Variants in CFAP251 observed in about 807,000 individuals in gnomAD.
The protein encoded by CFAP251 is cilia and flagella associated protein 251.
Under a neutral mutation model 126.7 loss-of-function variants are expected in CFAP251, and 93 were observed. That is an observed-to-expected ratio of 0.73 (90% CI 0.62 to 0.87). The LOEUF is 0.87. Among genes scored for constraint, CFAP251 ranks in the 40% least tolerant of loss-of-function variants. The pLI, the probability that CFAP251 is intolerant of heterozygous loss-of-function variation, is 0.00. For missense variants in CFAP251, 1,287 were observed against 1,389.2 expected (o/e 0.93, Z 1.17); for synonymous variants, 503 against 506.9 (o/e 0.99, Z 0.10).
At position 121,918,796 on chromosome 12, in the gene CFAP251, C is replaced by T. The variant is rs995619723; in HGVS notation, c.-21+101C>T. ...TGCCCCTTGGGGGGCGCTCACCCGA[C>T]CTGGCCCTTGTGGGGCCTGGGGCGG... On this transcript the variant is annotated intron_variant, in intron 1 of 21. Coordinates refer to ENST00000288912, the MANE Select transcript of CFAP251 (RefSeq NM_144668.6). This position sits in a 1 kb window ranked among gnomAD's most constrained non-coding sequence, Gnocchi z 4.3. 3 of 152,288 alleles carry T rather than the reference C, an allele frequency of 2.0e-5. No homozygotes were observed. The highest frequency in any genetic ancestry group is 7.2e-5 in the African/African-American group (3 of 41,456). 9.4% of individuals were successfully genotyped at this position (152,288 alleles called of 1,614,324 possible).
At chr12:121,986,296 ATTTT>A (rs894295977) in intron 19 of CFAP251, among the ~76,000 whole-genome samples, 1 of 123,520 alleles carries the variant, frequency 8.1e-6, no homozygotes, top group Non-Finnish European at 1.7e-5. Context: ...CTGGCCACGA[ATTTT>A]TTTTTTTTTT....
chr12:121,954,103 C>G lies in CFAP251; in HGVS notation c.1321-17C>G. Reference sequence around the variant, plus strand: ...TATTTATTACCAACAGTAACTATAACCTTTCTTTTGAAACAGACCTTCAAC... The same window carrying G: ...TATTTATTACCAACAGTAACTATAAGCTTTCTTTTGAAACAGACCTTCAAC... On this transcript the variant is annotated splice_polypyrimidine_tract_variant and intron_variant, in intron 9 of 21. Coordinates refer to ENST00000288912, the MANE Select transcript of CFAP251 (RefSeq NM_144668.6). 1.2e-6 allele frequency: 2 copies of G among 1,605,386 alleles called. No individual in the cohort carries two copies. The highest frequency in any genetic ancestry group is 1.7e-6 in the Non-Finnish European group (2 of 1,172,986).
Position 121,975,551 on chromosome 12 carries a change from G to C in CFAP251, c.2872G>C (p.Asp958His). 6.2e-7 allele frequency: 1 copy of C among 1,608,844 alleles called. No individual in the cohort carries two copies. The highest frequency in any genetic ancestry group is 8.5e-7 in the Non-Finnish European group (1 of 1,178,752). The change falls in exon 19 of 22, where the codon GAC (aspartate) becomes CAC (histidine). Residue 958 changes from aspartate (D) to histidine (H), a missense_variant. Asp to His is a moderately conservative substitution (Grantham distance 81). Transcript: ENST00000288912. ...TTGTATTCCTACATAGGAGCTAGAA[G>C]ACTACTTCTACTATTCTCAGCTCCG... Reference protein sequence around the residue: ...REGKFYRELEDYFYYSQLRSQ... With the variant: ...REGKFYRELEHYFYYSQLRSQ...
chr12:121,967,332 T>C (rs1484237625), intron 16 of CFAP251, among the ~76,000 whole-genome samples: 1 of 152,272 alleles, frequency 6.6e-6, no homozygotes, highest in Non-Finnish European at 1.5e-5. Flanking sequence ...CTTATTTATT[T>C]ACATGGAAAA....
chr12:121,994,163 AG>A (rs1882967292), intron 19 of CFAP251, among the ~76,000 whole-genome samples: 1 of 78,720 alleles, frequency 1.3e-5, no homozygotes, highest in Non-Finnish European at 2.5e-5. Flanking sequence ...GGGGGGGGTC[AG>A]CCCCCCCGCC....
In CFAP251 at chr12:122,002,660, G is replaced by T. The variant is rs533871954; in HGVS notation, c.3338-992G>T. Among the ~76,000 whole-genome samples the T allele has an allele frequency of 1.8e-3, 281 of 152,284 alleles. 1 individual carries two copies. Among genetic ancestry groups the T allele is most frequent in the African/African-American group, 6.7e-3 (277 of 41,548 alleles). On this transcript the variant is annotated intron_variant, in intron 21 of 21. Coordinates refer to ENST00000288912, the MANE Select transcript of CFAP251 (RefSeq NM_144668.6). Reference sequence around the variant, plus strand: ...TCAGGTTTTTAAAGATCATCCTCCTGTCCCTTCCTGCTATAGCCTAAGTAT... The same window carrying T: ...TCAGGTTTTTAAAGATCATCCTCCTTTCCCTTCCTGCTATAGCCTAAGTAT...
In CFAP251 at chr12:121,923,952, CT is replaced by C. The variant is rs1381574806; in HGVS notation, c.710del (p.Leu237ArgfsTer13). 1.2e-6 allele frequency: 2 copies of C among 1,613,412 alleles called. No homozygotes were observed. ...GGTGTCCAGCACCACAGAGGACATTCTGTTTCAAAAGGATAAAAGCACCCCG... is the reference window on the plus strand; with the variant it reads ...GGTGTCCAGCACCACAGAGGACATTCGTTTCAAAAGGATAAAAGCACCCCG... ...SLVSSTTEDI[L>X]FQKDKSTPVY... On this transcript the variant is annotated frameshift_variant, in exon 3 of 22. Coordinates refer to ENST00000288912, the MANE Select transcript of CFAP251 (RefSeq NM_144668.6). LOFTEE classifies it high-confidence loss of function.
At chr12:121,929,992 A>G (rs902563242) in intron 3 of CFAP251, among the ~76,000 whole-genome samples, 5 of 87,052 alleles carry the variant, frequency 5.7e-5, no homozygotes, top group Non-Finnish European at 8.8e-5. Context: ...TGATCTTTTT[A>G]TTGTCTCCAA....
intron 19 of CFAP251, among the ~76,000 whole-genome samples, chr12:121,987,711 G>A (rs1031611496): frequency 1.2e-4 from 16 of 131,614 alleles, no homozygotes; most frequent in Admixed American, 1.6e-4. Context: ...GCGAGACTCC[G>A]TCTCAAAAAA....
At chr12:121,994,060 A>C (rs1344751904) in intron 19 of CFAP251, among the ~76,000 whole-genome samples, 1 of 81,394 alleles carries the variant, frequency 1.2e-5, no homozygotes. Flanking sequence ...CAGCCGCCCC[A>C]TCCGGGAGGT....
intron 5 of CFAP251, among the ~76,000 whole-genome samples, chr12:121,939,742 T>G (rs941044972): frequency 1.3e-5 from 2 of 152,226 alleles, no homozygotes; most frequent in African/African-American, 4.8e-5. Context: ...GGATTAATAT[T>G]CATTTTATTA....
At chr12:121,986,503 G>A (rs562796560) in intron 19 of CFAP251, among the ~76,000 whole-genome samples, 13 of 146,276 alleles carry the variant, frequency 8.9e-5, no homozygotes, top group East Asian at 6.2e-4. Flanking sequence ...GGGTTTCACC[G>A]TCTCTACAGT....
At chr12:121,996,025 C>T (rs1046842853) in intron 19 of CFAP251, among the ~76,000 whole-genome samples, 2 of 152,112 alleles carry the variant, frequency 1.3e-5, no homozygotes, top group Non-Finnish European at 2.9e-5. Context: ...ATACTTGAGG[C>T]CAGACCAAGA....
At chr12:122,000,916 C>T (rs1373762840) in intron 20 of CFAP251, among the ~76,000 whole-genome samples, 2 of 151,780 alleles carry the variant, frequency 1.3e-5, no homozygotes, top group South Asian at 2.1e-4. Flanking sequence ...AGGGGCTGGG[C>T]GCAGTGGCTC....
intron 7 of CFAP251, among the ~76,000 whole-genome samples, chr12:121,943,233 A>C (rs1408667292): frequency 6.6e-6 from 1 of 151,838 alleles, no homozygotes; most frequent in Admixed American, 6.6e-5. Context: ...GAATTTCTTG[A>C]ACCTGGGAGG....
intron 7 of CFAP251, among the ~76,000 whole-genome samples, chr12:121,947,201 G>A (rs1406154639): frequency 1.3e-5 from 2 of 152,072 alleles, no homozygotes; most frequent in African/African-American, 4.8e-5. Flanking sequence ...CTTTCCTGCT[G>A]ACTAGTTCTT....
intron 21 of CFAP251, 46 bp downstream of exon 21, chr12:122,001,644 TTTG>T (rs1883154809): frequency 2.7e-6 from 4 of 1,463,848 alleles, no homozygotes; most frequent in Non-Finnish European, 2.9e-6. Context: ...GGCTCACTGA[TTTG>T]TTGTAGACTT....
chr12:121,989,867 AACTT>A lies in CFAP251; in HGVS notation c.3007-9847_3007-9844del, dbSNP rs1348771214. Among the ~76,000 whole-genome samples, 3 of 152,264 alleles carry A rather than the reference AACTT, an allele frequency of 2.0e-5. No individual in the cohort carries two copies. Among genetic ancestry groups the A allele is most frequent in the African/African-American group, 4.8e-5 (2 of 41,566 alleles). ...TCTCCATTTAATAGGGAGGTTGTAA[AACTT>A]AATTATAGAACATAATTCTAAGGAC... On this transcript the variant is annotated intron_variant, in intron 19 of 21. Transcript: ENST00000288912. This position sits in a 1 kb window ranked among gnomAD's most constrained non-coding sequence, Gnocchi z 4.2.
intron 3 of CFAP251, among the ~76,000 whole-genome samples, chr12:121,924,641 A>G (rs1422610118): frequency 6.7e-6 from 1 of 149,042 alleles, no homozygotes; most frequent in African/African-American, 2.5e-5. Flanking sequence ...CATGTTGGCC[A>G]GGGTGATCTC....
Sources: allele counts gnomAD v4.1 joint callset (sites outside exome capture counted in the v4.1 genomes callset), GRCh38; gene constraint gnomAD v4.1.1; non-coding constraint Gnocchi (gnomAD v3.1); transcripts MANE v1.5; gene names NCBI Gene and HGNC (gene_info 2026-07-23, HGNC 2026-07-21).